Variants in GPC5 observed in about 807,000 individuals in gnomAD.
GPC5 encodes the protein glypican-5.
Under a neutral mutation model 53.9 loss-of-function variants are expected in GPC5, and 47 were observed. That is an observed-to-expected ratio of 0.87 (90% CI 0.69 to 1.11). The LOEUF is 1.11. Among genes scored for constraint, GPC5 ranks in the 50% most tolerant of loss-of-function variants. GPC5 has a pLI of 0.00. For synonymous variants in GPC5, 286 were observed against 263.3 expected (o/e 1.09, Z -0.84); for missense variants, 748 against 713.1 (o/e 1.05, Z -0.56).
chr13:91,607,725 T>C (rs143794705), intron 2 of GPC5, among the ~76,000 whole-genome samples: 1 of 152,306 alleles, frequency 6.6e-6, no homozygotes, highest in Non-Finnish European at 1.5e-5. Flanking sequence ...GCCACCCTTC[T>C]AGACAGTGGG....
intron 7 of GPC5, among the ~76,000 whole-genome samples, chr13:92,422,553 T>C (rs1157945037): frequency 1.3e-5 from 2 of 150,328 alleles, no homozygotes; most frequent in Admixed American, 6.7e-5. Context: ...AAGAAAAGTA[T>C]TCCCCCATTG....
intron 7 of GPC5, among the ~76,000 whole-genome samples, chr13:92,566,328 A>C (rs1882862192): frequency 6.6e-6 from 1 of 152,152 alleles, no homozygotes; most frequent in African/African-American, 2.4e-5. Flanking sequence ...GTTTGGAGAT[A>C]TACAGAACTT....
chr13:92,700,810 G>T (rs1887710363), intron 7 of GPC5, among the ~76,000 whole-genome samples: 1 of 152,048 alleles, frequency 6.6e-6, no homozygotes, highest in African/African-American at 2.4e-5. Flanking sequence ...AGAAAATTAG[G>T]CACTGTTTTG....
chr13:92,262,587 T>C (rs1253815476), intron 7 of GPC5, among the ~76,000 whole-genome samples: 1 of 152,154 alleles, frequency 6.6e-6, no homozygotes, highest in Non-Finnish European at 1.5e-5. Context: ...ACTTAATGTG[T>C]TCATTTGAAC....
At chr13:92,620,350 T>C (rs1884831418) in intron 7 of GPC5, among the ~76,000 whole-genome samples, 1 of 152,092 alleles carries the variant, frequency 6.6e-6, no homozygotes, top group South Asian at 2.1e-4. Flanking sequence ...TAAGGGGAGT[T>C]CCACAATTAT....
intron 6 of GPC5, among the ~76,000 whole-genome samples, chr13:91,913,572 G>A (rs1283546091): frequency 6.6e-6 from 1 of 152,084 alleles, no homozygotes; most frequent in African/African-American, 2.4e-5. Flanking sequence ...TGTAAATAGA[G>A]ACCTGTGGGC....
At chr13:92,203,864 A>G (rs909609919) in intron 7 of GPC5, among the ~76,000 whole-genome samples, 3 of 151,772 alleles carry the variant, frequency 2.0e-5, no homozygotes, top group Non-Finnish European at 4.4e-5. Flanking sequence ...TGAAATCAAA[A>G]TCAAAGAGAA....
intron 7 of GPC5, among the ~76,000 whole-genome samples, chr13:92,253,077 T>C (rs2042703123): frequency 6.6e-6 from 1 of 152,142 alleles, no homozygotes; most frequent in African/African-American, 2.4e-5. Flanking sequence ...CATATTTTAA[T>C]TGAGCCTGCT....
chr13:92,712,346 T>C (rs1259627843), intron 7 of GPC5, among the ~76,000 whole-genome samples: 1 of 151,488 alleles, frequency 6.6e-6, no homozygotes, highest in Non-Finnish European at 1.5e-5. Flanking sequence ...CCCAAAATGA[T>C]AAGAAAATTT....
intron 6 of GPC5, among the ~76,000 whole-genome samples, chr13:92,030,445 A>G (rs981340484): frequency 2.6e-5 from 4 of 152,140 alleles, no homozygotes; most frequent in Admixed American, 2.6e-4. Context: ...CCTTCTTAAT[A>G]ACTTTAACTC....
At chr13:91,555,322 C>T (rs896841214) in intron 2 of GPC5, among the ~76,000 whole-genome samples, 16 of 152,042 alleles carry the variant, frequency 1.1e-4, no homozygotes, top group South Asian at 2.1e-4. Flanking sequence ...AGTCAAGAAC[C>T]AATGCCTGTA....
chr13:91,884,029 G>A (rs753831517), intron 5 of GPC5, among the ~76,000 whole-genome samples: 5 of 151,920 alleles, frequency 3.3e-5, no homozygotes, highest in African/African-American at 9.7e-5. Context: ...TTAAAGAAAC[G>A]CAAATCAAAA....
intron 7 of GPC5, among the ~76,000 whole-genome samples, chr13:92,178,705 G>A (rs1292062661): frequency 1.3e-5 from 2 of 151,972 alleles, no homozygotes; most frequent in East Asian, 1.9e-4. Flanking sequence ...GCCTGGGCAC[G>A]GTGGCTCACA....
chr13:92,128,932 C>T (rs2138958734), intron 6 of GPC5, among the ~76,000 whole-genome samples: 1 of 152,210 alleles, frequency 6.6e-6, no homozygotes, highest in South Asian at 2.1e-4. Flanking sequence ...CACTGCACTC[C>T]AGCCTGGGTG....
At chr13:92,558,912 A>G (rs1410297158) in intron 7 of GPC5, among the ~76,000 whole-genome samples, 1 of 151,922 alleles carries the variant, frequency 6.6e-6, no homozygotes, top group Non-Finnish European at 1.5e-5. Flanking sequence ...AGCATGGCGG[A>G]GTTGCCTTCT....
At chr13:91,573,762 G>A (rs1200862267) in intron 2 of GPC5, among the ~76,000 whole-genome samples, 1 of 152,128 alleles carries the variant, frequency 6.6e-6, no homozygotes, top group Non-Finnish European at 1.5e-5. Context: ...GTAAGACTTG[G>A]TTGAAGATAA....
chr13:91,563,510 G>A (rs1470962585), intron 2 of GPC5, among the ~76,000 whole-genome samples: 1 of 152,076 alleles, frequency 6.6e-6, no homozygotes, highest in African/African-American at 2.4e-5. Flanking sequence ...AATCAAGATT[G>A]CATATTTAAT....
At chr13:92,560,779 C>T (rs897143142) in intron 7 of GPC5, among the ~76,000 whole-genome samples, 9 of 150,832 alleles carry the variant, frequency 6.0e-5, no homozygotes, top group African/African-American at 7.3e-5. Flanking sequence ...AAGATGTGTC[C>T]GTTTTATAGT....
intron 7 of GPC5, among the ~76,000 whole-genome samples, chr13:92,283,647 G>A (rs2139172577): frequency 6.6e-6 from 1 of 152,306 alleles, no homozygotes; most frequent in South Asian, 2.1e-4. Context: ...TGACTACTGG[G>A]TACATAACAA....
Sources: gnomAD v4.1 joint callset for allele counts (sites outside exome capture counted in the v4.1 genomes callset) on GRCh38, gnomAD v4.1.1 for gene constraint, MANE v1.5 for transcripts, NCBI Gene and HGNC (gene_info 2026-07-23, HGNC 2026-07-21) for gene names.